TCTN1: variants seen among roughly 807,000 people sequenced by gnomAD.
TCTN1 encodes tectonic family member 1, also known as tectonic-1.
Under a neutral mutation model 65.8 loss-of-function variants are expected in TCTN1, and 58 were observed. The ratio of observed to expected loss-of-function variants is 0.88; its 90% CI spans 0.71 to 1.10. The LOEUF (loss-of-function observed/expected upper bound fraction) is 1.10. Among genes scored for constraint, TCTN1 ranks in the 50% least tolerant of loss-of-function variants. TCTN1 has a pLI of 0.00. For missense variants in TCTN1, 645 were observed against 719.4 expected, an observed-to-expected ratio of 0.90 and a Z score of 1.18; for synonymous variants, 273 against 289.1, an observed-to-expected ratio of 0.94 and a Z score of 0.57.
At chr12:110,629,177 A>G in intron 4 of TCTN1, 1 of 563,594 alleles carries the variant, frequency 1.8e-6, no homozygotes, top group Non-Finnish European at 3.1e-6. Flanking sequence ...TTCAGGACAT[A>G]GACATGGGCA....
Position 110,628,808 on chromosome 12 carries a change from G to A in TCTN1, c.514G>A (p.Glu172Lys), listed in dbSNP as rs754115376. ...LSFINPEVPD[E>K]NNFDTLMKTS... ...CTTTATTAATCCAGAAGTACCTGAT[G>A]AAAACAATTTTGATACATTGATGAA... Residue 172 changes from glutamate (E) to lysine (K), a missense_variant, in exon 4 of 15, where the codon GAA becomes AAA. Physicochemically the swap from Glu to Lys is moderately conservative, Grantham distance 56 (BLOSUM62 1). Transcript: ENST00000397659. 6.2e-7 allele frequency: 1 copy of A among 1,612,094 alleles called. No individual in the cohort carries two copies. The highest frequency in any genetic ancestry group is 8.5e-7 in the Non-Finnish European group (1 of 1,178,690).
intron 1 of TCTN1, among the ~76,000 whole-genome samples, chr12:110,615,654 T>C (rs1451430329): frequency 6.6e-6 from 1 of 152,072 alleles, no homozygotes; most frequent in Non-Finnish European, 1.5e-5. Flanking sequence ...TTTTTTATTT[T>C]TTTATTTTTA....
chr12:110,616,454 C>T, intron 1 of TCTN1: 1 of 256,678 alleles, frequency 3.9e-6, no homozygotes, highest in Non-Finnish European at 8.3e-6. Flanking sequence ...ACCATGTTGC[C>T]CAGGCTGGTC....
intron 5 of TCTN1, 147 bp downstream of exon 5, chr12:110,632,706 C>T (rs2066314904): frequency 2.6e-6 from 2 of 756,088 alleles, no homozygotes. Flanking sequence ...TTGTAGTAGT[C>T]ATCATTAAAC....
At position 110,626,421 on chromosome 12, in the gene TCTN1, A is replaced by G. The variant is rs1278024515; in HGVS notation, c.401A>G (p.Asn134Ser). The G allele has an allele frequency of 3.1e-6, 5 of 1,609,946 alleles. No homozygotes were observed. Among genetic ancestry groups the G allele is most frequent in the Non-Finnish European group, 4.2e-6 (5 of 1,177,442 alleles). ...AVIYSLNFTANPPQRVFELVD... is the reference protein window; with the variant it reads ...AVIYSLNFTASPPQRVFELVD... Reference sequence around the variant, plus strand: ...ATCTATTCATTGAATTTTACAGCAAACCCACCTCAAAGAGTATTTGAACTT... The same window carrying G: ...ATCTATTCATTGAATTTTACAGCAAGCCCACCTCAAAGAGTATTTGAACTT... The change falls in exon 3 of 15, where the codon AAC becomes AGC. Residue 134 changes from asparagine to serine, a missense_variant. Asn to Ser is a conservative substitution (Grantham distance 46). Coordinates refer to ENST00000397659, the MANE Select transcript of TCTN1 (RefSeq NM_001082538.3).
chr12:110,640,337 C>A lies in TCTN1; in HGVS notation c.844-46C>A. The A allele has an allele frequency of 6.2e-7, 1 of 1,613,712 alleles. No homozygotes were observed. ...AGTTGGTTGGTTATTTTAGCCCATC[C>A]TCCCTGGGTAGAGCATCTTCAACAC... On this transcript the variant is annotated intron_variant, in intron 7 of 14. Coordinates refer to ENST00000397659, the MANE Select transcript of TCTN1 (RefSeq NM_001082538.3). This position sits in a 1 kb window ranked among gnomAD's most constrained non-coding sequence, Gnocchi z 4.9.
intron 1 of TCTN1, 39 bp downstream of exon 1, chr12:110,614,441 C>T (rs2064892558): frequency 6.4e-7 from 1 of 1,566,414 alleles, no homozygotes; most frequent in Non-Finnish European, 8.7e-7. Context: ...CCACAGTGAT[C>T]CAACCTCAAG....
At position 110,644,666 on chromosome 12, in the gene TCTN1, A is replaced by G. The variant is rs939884942; in HGVS notation, c.1332-301A>G. 2 of 378,398 alleles carry G rather than the reference A, an allele frequency of 5.3e-6. No homozygotes were observed. Among genetic ancestry groups the G allele is most frequent in the African/African-American group, 4.2e-5 (2 of 47,790 alleles). The allele number at this position is 378,398 out of a possible 1,614,324, so 23.4% of individuals were successfully genotyped here. On this transcript the variant is annotated intron_variant, in intron 11 of 14. Transcript: ENST00000397659. The surrounding 1 kb of genome is among the most constrained non-coding windows in gnomAD (Gnocchi z 4.6). ...GTACTCCAGCCTGGGCAACAGAGCA[A>G]ACTCCATCTCAAAACAAAACAAAAA... is the stretch of plus-strand genomic sequence containing the variant.
rs1566015304 is a variant in TCTN1 at position 110,647,759 on chromosome 12, G to GAAAT, written c.1647_1650dup (p.Glu551LysfsTer2). 6.2e-7 allele frequency: 1 copy of GAAAT among 1,614,220 alleles called. No homozygotes were observed. Among genetic ancestry groups the GAAAT allele is most frequent in the Admixed American group, 1.7e-5 (1 of 60,026 alleles). On this transcript the variant is annotated frameshift_variant, in exon 14 of 15. Transcript: ENST00000397659. LOFTEE classifies it high-confidence loss of function. ...CTCTGTTTATTACAGGCCAACTCAG[G>GAAAT]AAATGAAAGGACGATTCTTATTTCC...
intron 3 of TCTN1, chr12:110,627,753 A>G (rs1179935264): frequency 6.6e-6 from 3 of 457,692 alleles, no homozygotes; most frequent in Non-Finnish European, 1.1e-5. Flanking sequence ...CAGGATCTTT[A>G]TTTTTATCTG....
chr12:110,630,728 G>A (rs1593294028), intron 4 of TCTN1, among the ~76,000 whole-genome samples: 1 of 152,108 alleles, frequency 6.6e-6, no homozygotes, highest in East Asian at 1.9e-4. Context: ...GGATTTATAG[G>A]TATCCACATT....
Position 110,619,949 on chromosome 12 carries a change from G to T in TCTN1, c.334G>T (p.Val112Phe). 1 of 1,614,082 alleles carries T rather than the reference G, an allele frequency of 6.2e-7. No homozygotes were observed. ...FSVFSACSVP[V>F]VTGDSQFCSQ... Reference sequence around the variant, plus strand: ...TGTCTTTTCTGCCTGCTCAGTTCCAGTTGTCACGTAAGTTTACGTATGACA... The same window carrying T: ...TGTCTTTTCTGCCTGCTCAGTTCCATTTGTCACGTAAGTTTACGTATGACA... The change falls in exon 2 of 15, where the codon GTT (valine) becomes TTT (phenylalanine). Residue 112 changes from valine (V) to phenylalanine (F), a missense_variant. Val to Phe is a conservative substitution (Grantham distance 50). Coordinates refer to ENST00000397659, the MANE Select transcript of TCTN1 (RefSeq NM_001082538.3).
intron 1 of TCTN1, among the ~76,000 whole-genome samples, chr12:110,617,426 C>T (rs1410227797): frequency 1.3e-5 from 2 of 151,684 alleles, no homozygotes; most frequent in Non-Finnish European, 2.9e-5. Context: ...CAGGTTCAAG[C>T]GATTCTCCTG....
At chr12:110,631,840 T>A (rs2066257966) in intron 4 of TCTN1, among the ~76,000 whole-genome samples, 2 of 152,208 alleles carry the variant, frequency 1.3e-5, no homozygotes, top group South Asian at 2.1e-4. Context: ...ATGGAAAATT[T>A]AAATATTGAT....
intron 2 of TCTN1, among the ~76,000 whole-genome samples, chr12:110,623,620 T>A (rs1185864548): frequency 6.6e-6 from 1 of 152,188 alleles, no homozygotes; most frequent in Non-Finnish European, 1.5e-5. Context: ...TTACATATAA[T>A]TGGGGAAAAT....
rs571700375 is a variant in TCTN1 at position 110,619,625 on chromosome 12, C to A, written c.221-211C>A. ...CAAAGCACTAACAGAACTTTCCAAG[C>A]GAGTCAGATCATTAGCCACTTTGGG... is the stretch of plus-strand genomic sequence containing the variant. On this transcript the variant is annotated intron_variant, in intron 1 of 14. Transcript: ENST00000397659. Among the ~76,000 whole-genome samples, 8 of 152,278 alleles carry A rather than the reference C, an allele frequency of 5.3e-5. No homozygotes were observed. In the East Asian group the frequency reaches 1.5e-3, roughly 29 times the overall value.
intron 6 of TCTN1, 72 bp downstream of exon 6, chr12:110,634,851 C>T: frequency 8.4e-7 from 1 of 1,186,548 alleles, no homozygotes; most frequent in Non-Finnish European, 1.2e-6. Flanking sequence ...TAAAATATGA[C>T]AAGTACAGAA....
At chr12:110,618,339 C>T (rs911255867) in intron 1 of TCTN1, among the ~76,000 whole-genome samples, 1 of 151,892 alleles carries the variant, frequency 6.6e-6, no homozygotes, top group African/African-American at 2.4e-5. Context: ...CTCCTGGGTT[C>T]ACGCCATTCT....
At chr12:110,633,752 A>T (rs1250820529) in intron 5 of TCTN1, among the ~76,000 whole-genome samples, 1 of 152,174 alleles carries the variant, frequency 6.6e-6, no homozygotes, top group Non-Finnish European at 1.5e-5. Flanking sequence ...ACTCAAAAAA[A>T]CTGAAGCTGT....
Sources: gnomAD v4.1 joint callset for allele counts (sites outside exome capture counted in the v4.1 genomes callset) on GRCh38, gnomAD v4.1.1 for gene constraint, Gnocchi (gnomAD v3.1) non-coding constraint, MANE v1.5 for transcripts, NCBI Gene and HGNC (gene_info 2026-07-23, HGNC 2026-07-21) for gene names.